The following SASH1 variants were observed in gnomAD, a reference collection of about 807,000 sequenced individuals.
SASH1 encodes SAM and SH3 domain containing 1, also known as SAM and SH3 domain-containing protein 1.
A neutral mutation model predicts 125.2 loss-of-function variants in SASH1; 44 were observed. The ratio of observed to expected loss-of-function variants is 0.35; its 90% CI spans 0.28 to 0.45. The LOEUF is 0.45. SASH1 is among the 20% of genes least tolerant of loss of function. SASH1 has a pLI of 1.00. For synonymous variants in SASH1, 639 were observed against 649.1 expected, an observed-to-expected ratio of 0.98 and a Z score of 0.24; for missense variants, 1,426 against 1,614.5, an observed-to-expected ratio of 0.88 and a Z score of 2.00.
the SASH1 span, among the ~76,000 whole-genome samples, chr6:148,229,382 G>A: frequency 1.3e-5 from 2 of 151,886 alleles, no homozygotes; most frequent in African/African-American, 4.8e-5. Context: ...AGCCTAAAAT[G>A]TATCATTCAA....
At chr6:148,195,712 C>G in the SASH1 span, among the ~76,000 whole-genome samples, 1 of 152,180 alleles carries the variant, frequency 6.6e-6, no homozygotes, top group Non-Finnish European at 1.5e-5. Flanking sequence ...GGTGGCAACT[C>G]ATTAGCCTCT....
At chr6:148,255,466 G>T in the SASH1 span, among the ~76,000 whole-genome samples, 24 of 152,240 alleles carry the variant, frequency 1.6e-4, no homozygotes, top group Middle Eastern at 3.4e-3. Flanking sequence ...TCATATGGAG[G>T]TTTCAGCCTT....
At chr6:148,358,394 G>A (rs1051501714) in intron 1 of SASH1, among the ~76,000 whole-genome samples, 1 of 152,194 alleles carries the variant, frequency 6.6e-6, no homozygotes, top group African/African-American at 2.4e-5. Flanking sequence ...CAATGCAGTT[G>A]GCAGGGAGGA....
chr6:148,305,104 A>G (rs1355536656), intron 1 of SASH1, among the ~76,000 whole-genome samples: 1 of 152,246 alleles, frequency 6.6e-6, no homozygotes, highest in African/African-American at 2.4e-5. Flanking sequence ...TTTAGAATGT[A>G]TTCAGCAGTT....
At chr6:148,380,062 G>T in intron 1 of SASH1, 1 of 442,170 alleles carries the variant, frequency 2.3e-6, no homozygotes. Context: ...CCAAGAAACA[G>T]TTGCTTCAAC....
chr6:148,483,486 A>T (rs1215405529), intron 7 of SASH1, among the ~76,000 whole-genome samples: 1 of 152,228 alleles, frequency 6.6e-6, no homozygotes, highest in East Asian at 1.9e-4. Flanking sequence ...GCCTGTTGAA[A>T]GAAAGCTTTT....
intron 17 of SASH1, among the ~76,000 whole-genome samples, chr6:148,542,088 C>CAGAT (rs1032709072): frequency 6.6e-6 from 1 of 152,166 alleles, no homozygotes; most frequent in African/African-American, 2.4e-5. Context: ...AAGGATCTCA[C>CAGAT]AGATATCACT....
chr6:148,286,573 T>C (rs1582917567), intron 1 of SASH1, among the ~76,000 whole-genome samples: 1 of 152,112 alleles, frequency 6.6e-6, no homozygotes, highest in Non-Finnish European at 1.5e-5. Context: ...ACAGGATTGG[T>C]GTCTCCGGAG....
At chr6:148,515,789 T>C (rs1240917669) in intron 9 of SASH1, among the ~76,000 whole-genome samples, 1 of 152,164 alleles carries the variant, frequency 6.6e-6, no homozygotes, top group Non-Finnish European at 1.5e-5. Flanking sequence ...GGGGGAACCA[T>C]ATGGAATTGC....
chr6:148,502,314 C>T (rs1405869077), intron 8 of SASH1, among the ~76,000 whole-genome samples: 1 of 151,882 alleles, frequency 6.6e-6, no homozygotes, highest in Non-Finnish European at 1.5e-5. Context: ...ATATTTCTTA[C>T]TAAACAGATG....
At chr6:148,435,274 A>T (rs996231999) in intron 2 of SASH1, among the ~76,000 whole-genome samples, 1 of 151,096 alleles carries the variant, frequency 6.6e-6, no homozygotes, top group African/African-American at 2.4e-5. Flanking sequence ...GCTGCTTGAG[A>T]GGCTGAGGCA....
At chr6:148,316,020 C>T (rs1416448855) in intron 1 of SASH1, among the ~76,000 whole-genome samples, 2 of 152,232 alleles carry the variant, frequency 1.3e-5, no homozygotes, top group South Asian at 2.1e-4. Flanking sequence ...CCTTGAGATA[C>T]AGTCCTCCTT....
the SASH1 span, among the ~76,000 whole-genome samples, chr6:148,206,317 A>G: frequency 1.3e-5 from 2 of 152,098 alleles, no homozygotes; most frequent in Non-Finnish European, 2.9e-5. Context: ...CTCAAAGCTC[A>G]GTCTTTTGCA....
rs1349443106 is a variant in SASH1, at chr6:148,519,788, G to A, written c.1104G>A (p.Lys368=). 1 of 1,614,074 alleles carries A rather than the reference G, an allele frequency of 6.2e-7. No homozygotes were observed. Among genetic ancestry groups the A allele is most frequent in the Non-Finnish European group, 8.5e-7 (1 of 1,179,990 alleles). Residue 368 remains lysine (K), a synonymous_variant, in exon 10 of 20, where the codon AAG becomes AAA. Coordinates refer to ENST00000367467, the MANE Select transcript of SASH1 (RefSeq NM_015278.5). This position sits in a 1 kb window ranked among gnomAD's most constrained non-coding sequence, Gnocchi z 4.8. The part of the protein sequence containing the change: ...ESRGLIKPPK[K]MGTFFSYPEE... ...GGGGCCTGATTAAGCCCCCCAAGAA[G>A]ATGGGGACATTCTTCTCCTACCCAG...
the SASH1 span, among the ~76,000 whole-genome samples, chr6:148,257,928 G>A: frequency 5.3e-5 from 8 of 152,180 alleles, 1 homozygote; most frequent in Admixed American, 2.0e-4. Flanking sequence ...ACACCTGGCC[G>A]TCACTTTACT....
chr6:148,469,453 G>A (rs971545489), intron 5 of SASH1, among the ~76,000 whole-genome samples: 1 of 152,316 alleles, frequency 6.6e-6, no homozygotes, highest in Non-Finnish European at 1.5e-5. Context: ...TATATTGTCA[G>A]CCTGTGCAGT....
At chr6:148,467,088 C>CTTTTTTTTTTTT (rs71004298) in intron 4 of SASH1, among the ~76,000 whole-genome samples, 12 of 69,954 alleles carry the variant, frequency 1.7e-4, no homozygotes, top group East Asian at 5.5e-4. Flanking sequence ...TTCCCTGTTC[C>CTTTTTTTTTTTT]TTTTTTTTTT....
At chr6:148,337,222 A>C (rs1403905559) in intron 1 of SASH1, among the ~76,000 whole-genome samples, 3 of 115,194 alleles carry the variant, frequency 2.6e-5, no homozygotes, top group East Asian at 2.3e-4. Flanking sequence ...ACATCCAGCT[A>C]ATTTTTTTTT....
At chr6:148,284,669 C>G (rs925874392) in intron 1 of SASH1, among the ~76,000 whole-genome samples, 3 of 152,320 alleles carry the variant, frequency 2.0e-5, no homozygotes, top group African/African-American at 2.4e-5. Context: ...CCATTACAAA[C>G]TCTTTGAGAG....
Sources: gnomAD v4.1 joint callset for allele counts (sites outside exome capture counted in the v4.1 genomes callset) on GRCh38, gnomAD v4.1.1 for gene constraint, Gnocchi (gnomAD v3.1) non-coding constraint, MANE v1.5 for transcripts, NCBI Gene and HGNC (gene_info 2026-07-23, HGNC 2026-07-21) for gene names.